Variants in SYK observed in about 807,000 individuals in gnomAD.
SYK encodes spleen associated tyrosine kinase.
In SYK, 16 loss-of-function variants were observed where a neutral mutation model predicts 77.8. The ratio of observed to expected loss-of-function variants is 0.21; its 90% confidence interval spans 0.14 to 0.31. The LOEUF (loss-of-function observed/expected upper bound fraction) is 0.31. Ranked by LOEUF, SYK falls within the 10% of genes least tolerant of loss-of-function variation. SYK has a pLI of 1.00. For synonymous variants in SYK, 312 were observed against 308.7 expected (o/e 1.01, Z -0.11); for missense variants, 529 against 814.4 (o/e 0.65, Z 4.26).
Position 90,884,820 on chromosome 9 carries a change from T to C in SYK, c.1582-2929T>C, listed in dbSNP as rs796390058. Among the ~76,000 whole-genome samples the C allele has an allele frequency of 1.2e-3, 114 of 92,374 alleles. 35 individuals are homozygous for C. The highest frequency in any genetic ancestry group is 2.3e-3 in the Non-Finnish European group (97 of 43,030). The allele number at this position is 92,374 out of a possible 152,430, so 60.6% of individuals were successfully genotyped here. A position where few individuals can be genotyped will look rare whatever the true frequency, so the allele number is the denominator to read the frequency against. Reference sequence around the variant, plus strand: ...ATACACATATGTGTACATACACATATACACATATGTGTGTATATACATATA... The same window carrying C: ...ATACACATATGTGTACATACACATACACACATATGTGTGTATATACATATA... On this transcript the variant is annotated intron_variant, in intron 11 of 13. Coordinates refer to ENST00000375754, the MANE Select transcript of SYK (RefSeq NM_003177.7).
At chr9:90,854,414 G>A (rs1160632745) in intron 3 of SYK, among the ~76,000 whole-genome samples, 1 of 152,164 alleles carries the variant, frequency 6.6e-6, no homozygotes, top group Non-Finnish European at 1.5e-5. Context: ...AGGCATGCAT[G>A]TTGAAGAGTG....
At chr9:90,811,988 A>G (rs1214927619) in intron 1 of SYK, among the ~76,000 whole-genome samples, 2 of 151,960 alleles carry the variant, frequency 1.3e-5, no homozygotes, top group Non-Finnish European at 2.9e-5. Flanking sequence ...ATAATAATTT[A>G]AGTGATATTG....
At chr9:90,837,316 G>T (rs1474055541) in intron 1 of SYK, among the ~76,000 whole-genome samples, 1 of 152,078 alleles carries the variant, frequency 6.6e-6, no homozygotes, top group South Asian at 2.1e-4. Context: ...CCAGACCTTT[G>T]GGGCTCACAT....
chr9:90,890,412 T>C (rs375402520), intron 13 of SYK, among the ~76,000 whole-genome samples: 5 of 152,232 alleles, frequency 3.3e-5, no homozygotes, highest in South Asian at 4.1e-4. Flanking sequence ...TCACTGGATG[T>C]TCACCAGAAT....
chr9:90,857,746 C>T (rs1827097690), intron 3 of SYK, among the ~76,000 whole-genome samples: 1 of 152,180 alleles, frequency 6.6e-6, no homozygotes, highest in Non-Finnish European at 1.5e-5. Context: ...TTTGAGAAAC[C>T]ACTGTTGGGA....
rs866382813 is a variant in SYK, at chr9:90,848,057, C to T, written c.578+2463C>T. On this transcript the variant is annotated intron_variant, in intron 3 of 13. Transcript: ENST00000375754. ...ACCTTCCTTGTTGCAGTGTAGTGGG[C>T]GTGTTATACTGTGAGTGTTTGAATA... Among the ~76,000 whole-genome samples, 21 of 152,102 alleles carry T rather than the reference C, an allele frequency of 1.4e-4. 1 individual carries two copies. Among genetic ancestry groups the T allele is most frequent in the East Asian group, 9.7e-4 (5 of 5,174 alleles).
chr9:90,871,152 A>G (rs570613518), intron 7 of SYK, among the ~76,000 whole-genome samples: 1 of 152,370 alleles, frequency 6.6e-6, no homozygotes. Flanking sequence ...CCTTACCTGA[A>G]TTTATAAAAT....
At position 90,888,608 on chromosome 9, in the gene SYK, A is replaced by C; in HGVS notation, c.1816A>C (p.Asn606His). Reference sequence around the variant, plus strand: ...TCCAAGAGAGATGTACGATCTCATGAATCTGTGCTGGACATACGAGTGAGT... The same window carrying C: ...TCCAAGAGAGATGTACGATCTCATGCATCTGTGCTGGACATACGAGTGAGT... ...GCPREMYDLM[N>H]LCWTYDVENR... The change falls in exon 13 of 14, where the codon AAT becomes CAT. Residue 606 changes from asparagine (N) to histidine (H), a missense_variant. By Grantham distance (68) the Asn-to-His change is moderately conservative. Around this residue, in one of 2 missense-constraint regions of SYK, gnomAD observed 208 missense variants for 381.3 expected, o/e 0.55. Transcript: ENST00000375754. The C allele has an allele frequency of 6.2e-7, 1 of 1,607,424 alleles. No homozygotes were observed. Among genetic ancestry groups the C allele is most frequent in the Non-Finnish European group, 8.5e-7 (1 of 1,177,056 alleles).
chr9:90,864,664 C>G lies in SYK; in HGVS notation c.793C>G (p.Gln265Glu), dbSNP rs1381635737. 6.2e-7 allele frequency: 1 copy of G among 1,613,792 alleles called. No individual in the cohort carries two copies. Among genetic ancestry groups the G allele is most frequent in the East Asian group, 2.2e-5 (1 of 44,888 alleles). Residue 265 changes from glutamine to glutamate, a missense_variant, in exon 5 of 14, where the codon CAG becomes GAG. Gln to Glu is a conservative substitution (Grantham distance 29). Around this residue, in one of 2 missense-constraint regions of SYK, gnomAD observed 321 missense variants for 433.1 expected, o/e 0.74. Transcript: ENST00000375754. ...TGTCCCATGTCAAAAAATCGGCACACAGGGTGAGTTCCCAAGACACTGGAG... is the reference window on the plus strand; with the variant it reads ...TGTCCCATGTCAAAAAATCGGCACAGAGGGTGAGTTCCCAAGACACTGGAG... Reference protein sequence around the residue: ...LTVPCQKIGTQGNVNFGGRPQ... With the variant: ...LTVPCQKIGTEGNVNFGGRPQ...
At chr9:90,830,407 A>G (rs1413513624) in intron 1 of SYK, among the ~76,000 whole-genome samples, 2 of 152,226 alleles carry the variant, frequency 1.3e-5, no homozygotes, top group African/African-American at 4.8e-5. Flanking sequence ...CTGCCGCACA[A>G]GGCAGTGCCC....
At chr9:90,821,187 T>C (rs573453046) in intron 1 of SYK, among the ~76,000 whole-genome samples, 302 of 152,368 alleles carry the variant, frequency 2.0e-3, no homozygotes, top group Non-Finnish European at 3.6e-3. Context: ...TCCCACATTT[T>C]CCTGTCTTCT....
intron 1 of SYK, among the ~76,000 whole-genome samples, chr9:90,822,214 AAG>A (rs1238293450): frequency 5.9e-5 from 9 of 152,346 alleles, no homozygotes; most frequent in African/African-American, 1.9e-4. Flanking sequence ...CTGTTTTTGT[AAG>A]AGATATGTTT....
At chr9:90,881,879 G>A (rs762682585) in intron 11 of SYK, among the ~76,000 whole-genome samples, 1 of 152,038 alleles carries the variant, frequency 6.6e-6, no homozygotes, top group Admixed American at 6.5e-5. Context: ...ACTCTAGCAC[G>A]GGCTGCCACG....
At position 90,880,277 on chromosome 9, in the gene SYK, G is replaced by A. The variant is rs143111321; in HGVS notation, c.1581+1324G>A. Reference sequence around the variant, plus strand: ...AGCAAAGGGACTGCATGAAGGGTAAGCCACAAGAGCCAAGCTCCCAGGCAG... The same window carrying A: ...AGCAAAGGGACTGCATGAAGGGTAAACCACAAGAGCCAAGCTCCCAGGCAG... On this transcript the variant is annotated intron_variant, in intron 11 of 13. Transcript: ENST00000375754. Among the ~76,000 whole-genome samples, 172 of 152,332 alleles carry A rather than the reference G, an allele frequency of 1.1e-3. 1 individual carries two copies. The highest frequency in any genetic ancestry group is 4.0e-3 in the African/African-American group (167 of 41,574).
At chr9:90,876,700 G>A (rs1827950193) in intron 9 of SYK, among the ~76,000 whole-genome samples, 3 of 152,000 alleles carry the variant, frequency 2.0e-5, no homozygotes, top group African/African-American at 7.3e-5. Context: ...GTCAATTTGG[G>A]GCAAAATGAT....
rs1185405742 is a variant in SYK at position 90,895,987 on chromosome 9, C to T, written c.*387C>T. Reference sequence around the variant, plus strand: ...AGAGTGGCCTAGAGCACTCTCACCCCAAGCGGCCTTTTCCAAATGCCCAAG... The same window carrying T: ...AGAGTGGCCTAGAGCACTCTCACCCTAAGCGGCCTTTTCCAAATGCCCAAG... On this transcript the variant is annotated 3_prime_UTR_variant, in exon 14 of 14. Transcript: ENST00000375754. This position sits in a 1 kb window ranked among gnomAD's most constrained non-coding sequence, Gnocchi z 4.4. The T allele has an allele frequency of 4.1e-6, 1 of 246,274 alleles. No individual in the cohort carries two copies. The highest frequency in any genetic ancestry group is 7.9e-6 in the Non-Finnish European group (1 of 125,794). The allele number at this position is 246,274 out of a possible 1,614,324, so 15.3% of individuals were successfully genotyped here.
chr9:90,855,416 G>T (rs972575999), intron 3 of SYK, among the ~76,000 whole-genome samples: 5 of 152,106 alleles, frequency 3.3e-5, no homozygotes, highest in Admixed American at 6.5e-5. Flanking sequence ...GTGTCCCCAG[G>T]CTGGGTCCCA....
chr9:90,803,592 C>G (rs922897860), intron 1 of SYK, among the ~76,000 whole-genome samples: 1 of 151,842 alleles, frequency 6.6e-6, no homozygotes. Flanking sequence ...TGTTAGGCCC[C>G]TATTTAATAT....
At chr9:90,847,348 C>A (rs889658452) in intron 3 of SYK, among the ~76,000 whole-genome samples, 2 of 152,218 alleles carry the variant, frequency 1.3e-5, no homozygotes, top group African/African-American at 2.4e-5. Context: ...GGGGCCTGGG[C>A]TTCTGTGTTT....
Sources: gnomAD v4.1 joint callset for allele counts (sites outside exome capture counted in the v4.1 genomes callset) on GRCh38, gnomAD v4.1.1 for gene constraint, gnomAD v4.1.1 regional missense constraint, Gnocchi (gnomAD v3.1) non-coding constraint, MANE v1.5 for transcripts, NCBI Gene and HGNC (gene_info 2026-07-23, HGNC 2026-07-21) for gene names.